The following TTC6 variants were observed in gnomAD, a reference collection of about 807,000 sequenced individuals.
TTC6 encodes the protein tetratricopeptide repeat domain 6, also known as tetratricopeptide repeat protein 6.
In TTC6, 172 loss-of-function variants were observed where a neutral mutation model predicts 210.4. The observed-to-expected ratio is 0.82, with a 90% CI of 0.72 to 0.93. The LOEUF is 0.93. TTC6 is among the 40% of genes least tolerant of loss of function. The pLI is 0.00. For missense variants in TTC6, 2,414 were observed against 2,318.1 expected (o/e 1.04, Z -0.85); for synonymous variants, 804 against 819.6 (o/e 0.98, Z 0.32).
At chr14:37,836,024 C>T (rs1187181298) in intron 29 of TTC6, among the ~76,000 whole-genome samples, 2 of 152,140 alleles carry the variant, frequency 1.3e-5, no homozygotes, top group Admixed American at 1.3e-4. Flanking sequence ...CTTCTGAGCT[C>T]CTAACCCATA....
chr14:37,739,226 C>T, intron 10 of TTC6, 71 bp downstream of exon 12: 1 of 1,327,920 alleles, frequency 7.5e-7, no homozygotes, highest in East Asian at 2.5e-5. Flanking sequence ...TATAATCTCA[C>T]CCCATGAAGT....
At chr14:37,703,975 C>T (rs2095830529) in intron 5 of TTC6, among the ~76,000 whole-genome samples, 2 of 152,122 alleles carry the variant, frequency 1.3e-5, no homozygotes, top group Admixed American at 1.3e-4. Context: ...GCCTTTCGGA[C>T]ATCTCTTGTA....
intron 1 of TTC6, among the ~76,000 whole-genome samples, chr14:37,656,869 A>C (rs556635433): frequency 5.3e-4 from 80 of 152,242 alleles, no homozygotes; most frequent in African/African-American, 1.9e-3. Context: ...TCCTAAAAGC[A>C]CATTCTAGTA....
intron 1 of TTC6, among the ~76,000 whole-genome samples, chr14:37,660,424 C>G (rs1031339310): frequency 3.3e-5 from 5 of 152,160 alleles, no homozygotes; most frequent in African/African-American, 1.2e-4. Flanking sequence ...TTGTTCCCCT[C>G]TCTGTGTCCA....
At chr14:37,678,329 T>A (rs2095774921) in intron 1 of TTC6, among the ~76,000 whole-genome samples, 1 of 152,158 alleles carries the variant, frequency 6.6e-6, no homozygotes, top group South Asian at 2.1e-4. Flanking sequence ...GGAGACCTAA[T>A]GAATCCCAAC....
At chr14:37,783,250 G>C (rs1299527849) in intron 14 of TTC6, among the ~76,000 whole-genome samples, 1 of 152,066 alleles carries the variant, frequency 6.6e-6, no homozygotes, top group African/African-American at 2.4e-5. Context: ...CTGTGAATCT[G>C]TCTGGTCCTA....
chr14:37,684,376 G>T (rs768349448), intron 3 of TTC6, among the ~76,000 whole-genome samples: 1 of 152,108 alleles, frequency 6.6e-6, no homozygotes, highest in Non-Finnish European at 1.5e-5. Context: ...TTGACCAGAG[G>T]AAATCCACCA....
chr14:37,759,246 T>C (rs185239963), intron 14 of TTC6, among the ~76,000 whole-genome samples: 119 of 139,196 alleles, frequency 8.5e-4, no homozygotes, highest in African/African-American at 2.9e-3. Context: ...CTGGGCGAAA[T>C]AGCCAGACTC....
exon 1 of TTC6, chr14:37,622,508 C>G (rs1209494229): frequency 3.4e-5 from 52 of 1,535,128 alleles, no homozygotes; most frequent in African/African-American, 4.1e-5. Context: ...CGGCCAGACC[C>G]GTGGTCCTGC....
chr14:37,673,318 A>G (rs532980275), intron 1 of TTC6, among the ~76,000 whole-genome samples: 26 of 152,298 alleles, frequency 1.7e-4, no homozygotes, highest in African/African-American at 5.1e-4. Context: ...ACAGTTTCTC[A>G]AGAAAGTTAC....
intron 3 of TTC6, among the ~76,000 whole-genome samples, chr14:37,688,375 TGC>T (rs2095797726): frequency 1.3e-5 from 2 of 152,272 alleles, no homozygotes; most frequent in African/African-American, 4.8e-5. Context: ...GCGAATTTGC[TGC>T]AAATGACATA....
At chr14:37,774,847 G>C (rs2096032174) in intron 14 of TTC6, among the ~76,000 whole-genome samples, 1 of 152,102 alleles carries the variant, frequency 6.6e-6, no homozygotes, top group African/African-American at 2.4e-5. Context: ...GTAGAATTTG[G>C]CTCTGAATCT....
intron 29 of TTC6, among the ~76,000 whole-genome samples, chr14:37,828,723 T>A (rs1211588119): frequency 6.6e-6 from 1 of 152,024 alleles, no homozygotes; most frequent in African/African-American, 2.4e-5. Flanking sequence ...ATAAAAACAT[T>A]GTTTTGAATA....
At chr14:37,784,719 A>T (rs550561407) in intron 14 of TTC6, among the ~76,000 whole-genome samples, 68 of 152,278 alleles carry the variant, frequency 4.5e-4, no homozygotes, top group Non-Finnish European at 2.6e-4. Context: ...CCTAGCATCG[A>T]TGGTCTTTAC....
chr14:37,685,308 A>C (rs967252382), intron 3 of TTC6, among the ~76,000 whole-genome samples: 1 of 152,312 alleles, frequency 6.6e-6, no homozygotes, highest in South Asian at 2.1e-4. Context: ...AGTTTTAAAA[A>C]TATCCATAGA....
At chr14:37,733,630 T>TA (rs1389468002) in intron 7 of TTC6, among the ~76,000 whole-genome samples, 2 of 152,174 alleles carry the variant, frequency 1.3e-5, no homozygotes, top group Non-Finnish European at 2.9e-5. Context: ...CTCCTAAACC[T>TA]GGCTGGTTTT....
intron 1 of TTC6, among the ~76,000 whole-genome samples, chr14:37,631,302 C>T (rs142289685): frequency 3.3e-5 from 5 of 152,156 alleles, no homozygotes; most frequent in African/African-American, 1.2e-4. Flanking sequence ...GTAAGGCAGG[C>T]CTGGTGGTGA....
intron 14 of TTC6, among the ~76,000 whole-genome samples, chr14:37,786,810 T>C (rs1282288954): frequency 6.6e-6 from 1 of 152,236 alleles, no homozygotes; most frequent in East Asian, 1.9e-4. Context: ...ACCTAGTAGC[T>C]TCTTTCTTCT....
intron 1 of TTC6, among the ~76,000 whole-genome samples, chr14:37,640,830 A>G (rs1045611506): frequency 2.6e-5 from 4 of 152,242 alleles, no homozygotes; most frequent in Non-Finnish European, 5.9e-5. Flanking sequence ...GGCATGAGCC[A>G]TCGCACCTAG....
Sources: gnomAD v4.1 joint callset for allele counts (sites outside exome capture counted in the v4.1 genomes callset) on GRCh38, gnomAD v4.1.1 for gene constraint, MANE v1.5 for transcripts, NCBI Gene and HGNC (gene_info 2026-07-23, HGNC 2026-07-21) for gene names.